Variants in HOOK2 observed in about 807,000 individuals in gnomAD.
HOOK2 encodes protein Hook homolog 2.
Under a neutral mutation model 111.9 loss-of-function variants are expected in HOOK2, and 108 were observed. The observed-to-expected ratio is 0.96, with a 90% CI of 0.83 to 1.13. The LOEUF is 1.13. HOOK2 is among the 50% of genes most tolerant of loss of function. The probability of loss-of-function intolerance (pLI) is 0.00; values close to 1 mark genes in which losing one functional copy is unlikely to be tolerated. For missense variants in HOOK2, 978 were observed against 951.3 expected, an observed-to-expected ratio of 1.03 and a Z score of -0.37; for synonymous variants, 405 against 394.3, an observed-to-expected ratio of 1.03 and a Z score of -0.32.
intron 3 of HOOK2, 133 bp from the exon 4 acceptor site, chr19:12,773,177 A>AG: frequency 1.4e-6 from 1 of 698,806 alleles, no homozygotes; most frequent in Non-Finnish European, 2.4e-6. Context: ...GCCTTCCTCT[A>AG]GGGGTGACCT....
At chr19:12,769,091 G>A (rs1034294535) in intron 11 of HOOK2, among the ~76,000 whole-genome samples, 1 of 149,832 alleles carries the variant, frequency 6.7e-6, no homozygotes, top group African/African-American at 2.5e-5. Flanking sequence ...TCAGCCTCCC[G>A]AGTAGCTGGG....
Position 12,791,293 on chromosome 19 carries a change from C to T in HOOK2, n.42-17068G>A, listed in dbSNP as rs943798937. Among the ~76,000 whole-genome samples the T allele has an allele frequency of 3.9e-5, 6 of 152,212 alleles. No individual in the cohort carries two copies. Among genetic ancestry groups the T allele is most frequent in the Non-Finnish European group, 7.3e-5 (5 of 68,042 alleles). ...CCTTTGAGCCCCTCCCCCTGCAGCC[C>T]CGCCGAGCCACCCGGCCCGTGGCCG... On this transcript the variant is annotated intron_variant and non_coding_transcript_variant, in intron 3 of 3. Transcript: ENST00000589765. The surrounding 1 kb of genome is among the most constrained non-coding windows in gnomAD (Gnocchi z 7.0).
chr19:12,777,413 A>C (rs1257564395), upstream of HOOK2, among the ~76,000 whole-genome samples: 1 of 146,186 alleles, frequency 6.8e-6, no homozygotes, highest in Non-Finnish European at 1.5e-5. Flanking sequence ...CCGGGAGGTC[A>C]ACGCTGCAGT....
At chr19:12,767,604 T>TA in intron 13 of HOOK2, 140 bp from the exon 14 acceptor site, 1 of 884,646 alleles carries the variant, frequency 1.1e-6, no homozygotes, top group South Asian at 1.6e-5. Flanking sequence ...CCCGGCTTGA[T>TA]AGAGAACCGG....
At chr19:12,770,791 G>T in intron 10 of HOOK2, 141 bp downstream of exon 10, 1 of 999,952 alleles carries the variant, frequency 1.0e-6, no homozygotes, top group Non-Finnish European at 1.5e-6. Flanking sequence ...GGCTCAGGGT[G>T]GCACTGTGGA....
chr19:12,773,237 T>C (rs1044636239), intron 3 of HOOK2, 193 bp from the exon 4 acceptor site: 137 of 426,404 alleles, frequency 3.2e-4, no homozygotes, highest in African/African-American at 2.2e-3. Flanking sequence ...GTTTCTTTTT[T>C]TTTTTTTTTT....
chr19:12,766,191 C>G lies in HOOK2; in HGVS notation c.1423G>C (p.Glu475Gln), dbSNP rs776400978. 13 of 1,597,100 alleles carry G rather than the reference C, an allele frequency of 8.1e-6. No homozygotes were observed. The East Asian group carries it at 2.9e-4, about 36-fold the overall frequency. ...QLENKRLCRQ[E>Q]AADRERQEEL... The stretch of plus-strand genomic sequence containing the variant: ...TCCTGCCGCTCCCGGTCGGCCGCCT[C>G]CTGCCTGCACAGCCGCTTGTTCTCC... The change falls in exon 15 of 23, where the codon GAG becomes CAG. Residue 475 changes from glutamate to glutamine, a missense_variant. Physicochemically the swap from Glu to Gln is conservative, Grantham distance 29. Transcript: ENST00000397668.
rs762390320 is a variant in HOOK2, at chr19:12,763,256, C to G, written c.*26G>C. The G allele has an allele frequency of 6.2e-7, 1 of 1,604,946 alleles. No homozygotes were observed. The highest frequency in any genetic ancestry group is 2.2e-5 in the East Asian group (1 of 44,724). ...TGGAGGAAGCCAGGGTGGGTGGAGC[C>G]CAGGCTGGCTTGATTGTGAGGTCTG... On this transcript the variant is annotated 3_prime_UTR_variant, in exon 23 of 23. Transcript: ENST00000397668.
At chr19:12,782,893 C>CA (rs902619919), upstream of HOOK2, among the ~76,000 whole-genome samples, 2 of 151,952 alleles carry the variant, frequency 1.3e-5, no homozygotes, top group Non-Finnish European at 2.9e-5. Context: ...AGACCCCCCC[C>CA]CCAGTTGCCA....
At position 12,774,749 on chromosome 19, in the gene HOOK2, C is replaced by T. The variant is rs538219159; in HGVS notation, c.132-8G>A. The T allele has an allele frequency of 2.5e-6, 4 of 1,613,724 alleles. No homozygotes were observed. The highest frequency in any genetic ancestry group is 2.5e-6 in the Non-Finnish European group (3 of 1,179,742). On this transcript the variant is annotated splice_region_variant and splice_polypyrimidine_tract_variant and intron_variant, in intron 2 of 22. Transcript: ENST00000397668. ...TTGAACCAGGAGGGGTCTCTGGGGG[C>T]GAGAAGGTGGGATGAGCAGACTGGG...
chr19:12,781,562 C>G (rs1412865831), upstream of HOOK2, among the ~76,000 whole-genome samples: 1 of 151,970 alleles, frequency 6.6e-6, no homozygotes, highest in Non-Finnish European at 1.5e-5. Flanking sequence ...TCCAGACCTC[C>G]TGATCCGCCC....
At chr19:12,773,655 G>A (rs1968405141) in intron 3 of HOOK2, among the ~76,000 whole-genome samples, 1 of 152,096 alleles carries the variant, frequency 6.6e-6, no homozygotes, top group Non-Finnish European at 1.5e-5. Flanking sequence ...CTGGATTAGT[G>A]CACCAGCTGC....
Position 12,764,691 on chromosome 19 carries a change from T to C in HOOK2, c.1827+123A>G, listed in dbSNP as rs1360828143. On this transcript the variant is annotated intron_variant, in intron 20 of 22. Transcript: ENST00000397668. The stretch of plus-strand genomic sequence containing the variant: ...GGGAATCATGCAGAAGTCTGTCTTA[T>C]GGTGGGGTATGACAGGTATGAGTTG... 8.0e-6 allele frequency: 6 copies of C among 749,870 alleles called. No individual in the cohort carries two copies. In the East Asian group the frequency reaches 9.8e-5, roughly 12 times the overall value. The allele number at this position is 749,870 out of a possible 1,614,324, so 46.5% of individuals were successfully genotyped here.
At chr19:12,766,417 T>C (rs2145734186) in intron 14 of HOOK2, 177 bp from the exon 15 acceptor site, 4 of 721,628 alleles carry the variant, frequency 5.5e-6, no homozygotes, top group South Asian at 4.2e-5. Context: ...AGGGTTAAAG[T>C]GGACGGAGCT....
chr19:12,765,469 C>T, intron 18 of HOOK2: 1 of 625,258 alleles, frequency 1.6e-6, no homozygotes, highest in South Asian at 1.9e-5. Context: ...GAAAGCAGGC[C>T]AGGCGCGGTG....
chr19:12,773,169 C>T (rs1968387168), intron 3 of HOOK2, 125 bp from the exon 4 acceptor site: 1 of 908,408 alleles, frequency 1.1e-6, no homozygotes, highest in Non-Finnish European at 1.8e-6. Flanking sequence ...CTGCGTGCGC[C>T]TTCCTCTAGG....
upstream of HOOK2, among the ~76,000 whole-genome samples, chr19:12,779,886 G>A (rs768003242): frequency 5.3e-5 from 8 of 152,082 alleles, no homozygotes; most frequent in African/African-American, 1.9e-4. Flanking sequence ...TTGGTGGCTC[G>A]CGCCAGTAAT....
At chr19:12,772,489 G>T (rs1968366390) in intron 6 of HOOK2, 124 bp downstream of exon 6, 1 of 1,123,850 alleles carries the variant, frequency 8.9e-7, no homozygotes, top group Non-Finnish European at 1.3e-6. Flanking sequence ...AGAGATGTCT[G>T]GCCAGCTGAG....
chr19:12,773,227 GTTTCTTTT>G, intron 3 of HOOK2, 183 bp from the exon 4 acceptor site: 3 of 283,636 alleles, frequency 1.1e-5, no homozygotes, highest in Non-Finnish European at 1.9e-5. Context: ...GACCATCTTT[GTTTCTTTT>G]TTTTTTTTTT....
Sources: allele counts gnomAD v4.1 joint callset (sites outside exome capture counted in the v4.1 genomes callset), GRCh38; gene constraint gnomAD v4.1.1; non-coding constraint Gnocchi (gnomAD v3.1); transcripts MANE v1.5; gene names NCBI Gene and HGNC (gene_info 2026-07-23, HGNC 2026-07-21).